Variants in GCNT1 observed in about 807,000 individuals in gnomAD.
GCNT1 encodes beta-1,3-galactosyl-O-glycosyl-glycoprotein beta-1,6-N-acetylglucosaminyltransferase.
Under a neutral mutation model 26.2 loss-of-function variants are expected in GCNT1, and 16 were observed. The observed-to-expected ratio is 0.61, with a 90% CI of 0.41 to 0.93. The LOEUF (loss-of-function observed/expected upper bound fraction) is 0.93, where lower values mean the gene tolerates loss of function less well. Among genes scored for constraint, GCNT1 ranks in the 40% least tolerant of loss-of-function variants. The pLI is 0.00. For synonymous variants in GCNT1, 183 were observed against 190.8 expected (o/e 0.96, Z 0.34); for missense variants, 477 against 526.7 (o/e 0.91, Z 0.92).
the GCNT1 span, chr9:76,394,181 C>T: frequency 1.9e-6 from 3 of 1,592,198 alleles, no homozygotes; most frequent in Middle Eastern, 1.7e-4. Context: ...TAATGCAGTC[C>T]GCTCGGGGAA....
At chr9:76,473,478 T>C (rs1272369555) in intron 2 of GCNT1, among the ~76,000 whole-genome samples, 1 of 151,924 alleles carries the variant, frequency 6.6e-6, no homozygotes, top group Non-Finnish European at 1.5e-5. Flanking sequence ...TGAACAAAAG[T>C]CAAAAAAGGG....
intron 1 of GCNT1, among the ~76,000 whole-genome samples, chr9:76,445,976 C>T (rs146515614): frequency 5.1e-4 from 77 of 152,026 alleles, no homozygotes; most frequent in African/African-American, 1.8e-3. Flanking sequence ...AGAGCAAGAC[C>T]CCATTTCCTA....
intron 2 of GCNT1, among the ~76,000 whole-genome samples, chr9:76,461,646 G>C (rs903855597): frequency 4.6e-5 from 7 of 151,180 alleles, no homozygotes; most frequent in African/African-American, 1.7e-4. Flanking sequence ...CCAACATTTT[G>C]GGAGGCTGAG....
At chr9:76,494,597 A>G (rs1025948336) in intron 2 of GCNT1, among the ~76,000 whole-genome samples, 8 of 152,218 alleles carry the variant, frequency 5.3e-5, no homozygotes, top group African/African-American at 1.9e-4. Flanking sequence ...TGGTGAGCCC[A>G]GGTGCCTAAA....
chr9:76,454,291 G>A (rs566506414), upstream of GCNT1, among the ~76,000 whole-genome samples: 985 of 147,552 alleles, frequency 6.7e-3, 9 homozygotes, highest in African/African-American at 0.023. Context: ...CAGAAGAATC[G>A]CTTGAACCCG....
chr9:76,490,622 A>G (rs1463365838), intron 2 of GCNT1, among the ~76,000 whole-genome samples: 1 of 152,208 alleles, frequency 6.6e-6, no homozygotes, highest in Non-Finnish European at 1.5e-5. Context: ...TTTGTTTGCT[A>G]TTAATAAAAC....
At chr9:76,462,110 T>C (rs1823883573) in intron 2 of GCNT1, among the ~76,000 whole-genome samples, 1 of 151,974 alleles carries the variant, frequency 6.6e-6, no homozygotes, top group Non-Finnish European at 1.5e-5. Context: ...AATTCTGTTT[T>C]CTATGAAGTG....
chr9:76,503,550 G>A lies in GCNT1; in HGVS notation c.1169G>A (p.Trp390Ter). 1.9e-6 allele frequency: 3 copies of A among 1,614,182 alleles called. No homozygotes were observed. The highest frequency in any genetic ancestry group is 2.2e-5 in the East Asian group (1 of 44,892). Residue 390 changes from tryptophan (W) to a stop codon, truncating the protein, a stop_gained, in exon 4 of 4, where the codon TGG becomes TAG. Coordinates refer to ENST00000376730, the MANE Select transcript of GCNT1 (RefSeq NM_001490.5). LOFTEE classifies it high-confidence loss of function. ...VCIFGAGDLN[W>*]MLRKHHLFAN... Reference sequence around the variant, plus strand: ...ATTTTCGGAGCTGGTGACTTGAACTGGATGCTGCGCAAACACCACTTGTTT... The same window carrying A: ...ATTTTCGGAGCTGGTGACTTGAACTAGATGCTGCGCAAACACCACTTGTTT...
chr9:76,394,418 G>T, the GCNT1 span: 2 of 442,658 alleles, frequency 4.5e-6, no homozygotes, highest in Non-Finnish European at 8.0e-6. Flanking sequence ...GGAGACAGCC[G>T]AAGTAAGTGC....
At chr9:76,485,288 T>C (rs1209675307) in intron 2 of GCNT1, among the ~76,000 whole-genome samples, 2 of 152,244 alleles carry the variant, frequency 1.3e-5, no homozygotes, top group South Asian at 4.1e-4. Context: ...TTATCCTGCC[T>C]TAGCCTCCCA....
At chr9:76,491,785 G>A (rs1587451023) in intron 2 of GCNT1, among the ~76,000 whole-genome samples, 1 of 152,162 alleles carries the variant, frequency 6.6e-6, no homozygotes, top group Non-Finnish European at 1.5e-5. Flanking sequence ...CCCATCCTCT[G>A]GGAGAAAAGT....
At chr9:76,431,878 G>A (rs556780809) in intron 1 of GCNT1, among the ~76,000 whole-genome samples, 1 of 152,316 alleles carries the variant, frequency 6.6e-6, no homozygotes, top group East Asian at 1.9e-4. Context: ...GCGAGGCGAG[G>A]TGGATGGATC....
intron 1 of GCNT1, among the ~76,000 whole-genome samples, chr9:76,432,344 T>G (rs569496082): frequency 2.4e-4 from 36 of 152,046 alleles, no homozygotes; most frequent in African/African-American, 8.2e-4. Flanking sequence ...ATATATTTGT[T>G]TGTTTTTTGT....
chr9:76,399,031 G>A, the GCNT1 span: 3 of 1,593,884 alleles, frequency 1.9e-6, no homozygotes, highest in Non-Finnish European at 2.6e-6. Flanking sequence ...TCACTAACCA[G>A]ATCCAGGCAG....
At chr9:76,398,600 C>T in the GCNT1 span, 10 of 725,966 alleles carry the variant, frequency 1.4e-5, no homozygotes, top group Non-Finnish European at 2.4e-5. Context: ...CTTTTATCCA[C>T]ACAAAAACCT....
intron 1 of GCNT1, among the ~76,000 whole-genome samples, chr9:76,428,858 A>G (rs1224415208): frequency 4.0e-5 from 6 of 151,640 alleles, no homozygotes; most frequent in Admixed American, 1.3e-4. Context: ...GCACCACCAC[A>G]CCCGGCTAAT....
chr9:76,428,396 A>C (rs970931607), intron 1 of GCNT1, among the ~76,000 whole-genome samples: 16 of 152,056 alleles, frequency 1.1e-4, no homozygotes, highest in African/African-American at 3.6e-4. Flanking sequence ...GATATGCATA[A>C]ATTTATTTGT....
intron 2 of GCNT1, among the ~76,000 whole-genome samples, chr9:76,477,504 C>G (rs1403631122): frequency 2.9e-5 from 4 of 137,380 alleles, no homozygotes; most frequent in African/African-American, 1.0e-4. Context: ...CTAGCCTGGG[C>G]GACAGAGTGA....
intron 2 of GCNT1, among the ~76,000 whole-genome samples, chr9:76,484,667 GTAT>G (rs1254701529): frequency 3.9e-4 from 59 of 151,864 alleles, no homozygotes; most frequent in Non-Finnish European, 4.4e-5. Flanking sequence ...GAATGGCCTA[GTAT>G]TATTATGAAA....
Sources: allele counts gnomAD v4.1 joint callset (sites outside exome capture counted in the v4.1 genomes callset), GRCh38; gene constraint gnomAD v4.1.1; transcripts MANE v1.5; gene names NCBI Gene and HGNC (gene_info 2026-07-23, HGNC 2026-07-21).